Variants in WWOX observed in about 807,000 individuals in gnomAD.
WWOX encodes the protein WW domain-containing oxidoreductase.
In WWOX, 69 loss-of-function variants were observed where a neutral mutation model predicts 46.2. That is an observed-to-expected ratio of 1.49 (90% confidence interval 1.23 to 1.82). WWOX has a LOEUF of 1.82. Among genes scored for constraint, WWOX ranks in the 40% most tolerant of loss-of-function variants. The pLI, the probability that WWOX is intolerant of heterozygous loss-of-function variation, is 0.00. For synonymous variants in WWOX, 359 were observed against 202.6 expected (o/e 1.77, Z -6.56); for missense variants, 919 against 542.6 (o/e 1.69, Z -6.89).
intron 8 of WWOX, among the ~76,000 whole-genome samples, chr16:78,807,096 G>A (rs1405185229): frequency 6.6e-6 from 1 of 152,162 alleles, no homozygotes; most frequent in East Asian, 1.9e-4. Flanking sequence ...GGTGCAGACT[G>A]GATGCTCAAT....
intron 8 of WWOX, among the ~76,000 whole-genome samples, chr16:78,999,845 A>G (rs1597257094): frequency 6.6e-6 from 1 of 152,140 alleles, no homozygotes. Context: ...TGGCACTTGT[A>G]CCCTTGAAAT....
intron 8 of WWOX, among the ~76,000 whole-genome samples, chr16:78,687,578 A>G (rs1298212615): frequency 6.9e-6 from 1 of 144,918 alleles, no homozygotes; most frequent in Admixed American, 7.4e-5. Flanking sequence ...AGGTTGGGTA[A>G]TGAAGAGAGA....
chr16:79,054,065 T>C (rs1567517704), intron 8 of WWOX, among the ~76,000 whole-genome samples: 1 of 152,114 alleles, frequency 6.6e-6, no homozygotes, highest in South Asian at 2.1e-4. Flanking sequence ...TGATACCTGC[T>C]CTCTGAGCCA....
intron 8 of WWOX, among the ~76,000 whole-genome samples, chr16:78,940,958 C>A (rs1169294107): frequency 2.6e-5 from 4 of 151,982 alleles, no homozygotes; most frequent in Admixed American, 1.3e-4. Context: ...CACCCCATCC[C>A]ACTCATATTT....
intron 8 of WWOX, among the ~76,000 whole-genome samples, chr16:78,685,975 A>C (rs1010485288): frequency 2.0e-5 from 3 of 152,126 alleles, no homozygotes; most frequent in Non-Finnish European, 4.4e-5. Context: ...TGGGAAGAGA[A>C]ATAGAAATAG....
chr16:78,943,625 C>T (rs991515115), intron 8 of WWOX, among the ~76,000 whole-genome samples: 2 of 152,104 alleles, frequency 1.3e-5, no homozygotes, highest in Non-Finnish European at 2.9e-5. Flanking sequence ...TCTGTGTGGC[C>T]CCGTCAATGG....
At chr16:78,906,242 T>G (rs951256088) in intron 8 of WWOX, among the ~76,000 whole-genome samples, 2 of 152,110 alleles carry the variant, frequency 1.3e-5, no homozygotes, top group East Asian at 3.9e-4. Flanking sequence ...AGCCATGCTG[T>G]TTTGTCTCCA....
intron 8 of WWOX, among the ~76,000 whole-genome samples, chr16:78,845,469 G>A (rs192557909): frequency 1.3e-5 from 2 of 152,120 alleles, no homozygotes; most frequent in African/African-American, 4.8e-5. Context: ...TGGCCACAAA[G>A]TATGCTCATG....
At chr16:78,499,134 G>A (rs546854491) in intron 8 of WWOX, among the ~76,000 whole-genome samples, 1 of 151,996 alleles carries the variant, frequency 6.6e-6, no homozygotes, top group East Asian at 1.9e-4. Flanking sequence ...AACCATGTGG[G>A]CCCTTCTCTT....
At chr16:78,546,881 C>G (rs565020699) in intron 8 of WWOX, among the ~76,000 whole-genome samples, 2 of 152,098 alleles carry the variant, frequency 1.3e-5, no homozygotes, top group South Asian at 2.1e-4. Context: ...AATCTTAGCA[C>G]TTTGGGAGGC....
chr16:78,697,471 C>T (rs527483993), intron 8 of WWOX, among the ~76,000 whole-genome samples: 3 of 152,194 alleles, frequency 2.0e-5, no homozygotes, highest in South Asian at 2.1e-4. Context: ...ACAGACAACC[C>T]GCAGAGTGGG....
chr16:78,774,740 A>C (rs981705997), intron 8 of WWOX, among the ~76,000 whole-genome samples: 11 of 152,138 alleles, frequency 7.2e-5, no homozygotes, highest in African/African-American at 2.7e-4. Context: ...ACATACACAC[A>C]CATGGGCACA....
chr16:79,167,867 G>T (rs780634751), intron 8 of WWOX, among the ~76,000 whole-genome samples: 27 of 152,198 alleles, frequency 1.8e-4, no homozygotes, highest in Non-Finnish European at 3.4e-4. Flanking sequence ...CATCACCCCA[G>T]AAAAGCATAC....
At chr16:79,074,143 A>AGAGTTC (rs2048605022) in intron 8 of WWOX, among the ~76,000 whole-genome samples, 1 of 152,116 alleles carries the variant, frequency 6.6e-6, no homozygotes, top group Non-Finnish European at 1.5e-5. Flanking sequence ...TAAAGCAGTT[A>AGAGTTC]GAGTTCGAGC....
intron 5 of WWOX, among the ~76,000 whole-genome samples, chr16:78,192,529 A>G (rs2035916339): frequency 6.6e-6 from 1 of 152,028 alleles, no homozygotes; most frequent in Non-Finnish European, 1.5e-5. Flanking sequence ...AACAAAAACA[A>G]ATAGGACCCA....
intron 5 of WWOX, among the ~76,000 whole-genome samples, chr16:78,309,284 G>C (rs34747130): frequency 0.051 from 7,787 of 152,248 alleles, 516 homozygotes; most frequent in African/African-American, 0.16. Context: ...CGTTCATTCT[G>C]CTTCCTGCCG....
intron 5 of WWOX, among the ~76,000 whole-genome samples, chr16:78,311,244 T>G (rs1172085288): frequency 2.0e-5 from 3 of 152,192 alleles, no homozygotes; most frequent in Non-Finnish European, 4.4e-5. Context: ...TCAGTTGCAT[T>G]CCCTGTATGT....
chr16:79,018,538 A>T (rs931578168), intron 8 of WWOX, among the ~76,000 whole-genome samples: 1 of 152,192 alleles, frequency 6.6e-6, no homozygotes, highest in Non-Finnish European at 1.5e-5. Context: ...TAATTGAATC[A>T]GTGGTTTGGG....
At chr16:78,280,928 C>G (rs925270632) in intron 5 of WWOX, 1 of 153,162 alleles carries the variant, frequency 6.5e-6, no homozygotes, top group Admixed American at 6.5e-5. Flanking sequence ...AACAACTGTT[C>G]GAGAATTATG....
Sources: gnomAD v4.1 joint callset for allele counts (sites outside exome capture counted in the v4.1 genomes callset) on GRCh38, gnomAD v4.1.1 for gene constraint, MANE v1.5 for transcripts, NCBI Gene and HGNC (gene_info 2026-07-23, HGNC 2026-07-21) for gene names.